Variants in CNGA1 observed in about 807,000 individuals in gnomAD.
The protein encoded by CNGA1 is cyclic nucleotide gated channel subunit alpha 1, also known as cyclic nucleotide-gated channel alpha-1.
Under a neutral mutation model 69.7 loss-of-function variants are expected in CNGA1, and 53 were observed. That is an observed-to-expected ratio of 0.76 (90% CI 0.61 to 0.96). The LOEUF (loss-of-function observed/expected upper bound fraction) is 0.96. CNGA1 is among the 40% of genes least tolerant of loss of function. The pLI, the probability that CNGA1 is intolerant of heterozygous loss-of-function variation, is 0.00. For synonymous variants in CNGA1, 249 were observed against 283.5 expected, an observed-to-expected ratio of 0.88 and a Z score of 1.22; for missense variants, 739 against 811.2, an observed-to-expected ratio of 0.91 and a Z score of 1.08.
intron 8 of CNGA1, 41 bp from the exon 9 acceptor site, chr4:47,942,189 CAAGAACATT>C: frequency 8.2e-7 from 1 of 1,225,772 alleles, no homozygotes; most frequent in Non-Finnish European, 1.2e-6. Flanking sequence ...TACCAAGATA[CAAGAACATT>C]TTTATTTACC....
chr4:47,943,105 G>T, intron 8 of CNGA1, 76 bp downstream of exon 8: 1 of 1,027,342 alleles, frequency 9.7e-7, no homozygotes, highest in Non-Finnish European at 1.5e-6. Context: ...TTTCTACTTT[G>T]TATTATGGAA....
chr4:47,996,141 A>G (rs184583366), intron 2 of CNGA1, among the ~76,000 whole-genome samples: 2 of 152,210 alleles, frequency 1.3e-5, no homozygotes, highest in Admixed American at 1.3e-4. Context: ...TGGTGCAAAA[A>G]TTCATGACAC....
At chr4:47,982,422 A>G (rs1741759845) in intron 2 of CNGA1, among the ~76,000 whole-genome samples, 1 of 152,210 alleles carries the variant, frequency 6.6e-6, no homozygotes, top group Non-Finnish European at 1.5e-5. Context: ...TGCCTAGCAG[A>G]GAAAATTAGA....
chr4:47,956,028 C>T (rs1484520755), intron 3 of CNGA1, among the ~76,000 whole-genome samples: 1 of 152,244 alleles, frequency 6.6e-6, no homozygotes, highest in Non-Finnish European at 1.5e-5. Context: ...CCATTCTTCT[C>T]TCCTTCTAGT....
At chr4:47,990,671 C>T (rs1742220521) in intron 2 of CNGA1, among the ~76,000 whole-genome samples, 1 of 152,088 alleles carries the variant, frequency 6.6e-6, no homozygotes, top group South Asian at 2.1e-4. Context: ...GATTTTGCGG[C>T]TCGGCGTCAC....
chr4:47,976,583 A>G (rs1741431331), intron 3 of CNGA1, among the ~76,000 whole-genome samples: 1 of 151,960 alleles, frequency 6.6e-6, no homozygotes, highest in Non-Finnish European at 1.5e-5. Context: ...TTTGTCAGTC[A>G]CTGTGAGCAT....
At chr4:47,939,204 G>T (rs184789833) in intron 10 of CNGA1, among the ~76,000 whole-genome samples, 5 of 152,166 alleles carry the variant, frequency 3.3e-5, no homozygotes, top group African/African-American at 1.2e-4. Flanking sequence ...TCCAGGAAAG[G>T]GAGAAGCACT....
chr4:47,956,081 C>T (rs1012760764), intron 3 of CNGA1, among the ~76,000 whole-genome samples: 1 of 152,230 alleles, frequency 6.6e-6, no homozygotes. Context: ...TAAAAATCTA[C>T]ATTACTGAGT....
At chr4:48,000,817 T>G (rs959870924) in intron 2 of CNGA1, among the ~76,000 whole-genome samples, 2 of 152,192 alleles carry the variant, frequency 1.3e-5, no homozygotes, top group African/African-American at 4.8e-5. Context: ...AGTAGTATTT[T>G]TAATGTGCTG....
At chr4:48,010,427 C>T (rs1715102712) in intron 2 of CNGA1, among the ~76,000 whole-genome samples, 1 of 152,180 alleles carries the variant, frequency 6.6e-6, no homozygotes, top group East Asian at 1.9e-4. Flanking sequence ...CTATACTCTT[C>T]CTTAAAAACC....
chr4:48,003,837 G>C (rs1358791499), intron 2 of CNGA1, among the ~76,000 whole-genome samples: 1 of 152,178 alleles, frequency 6.6e-6, no homozygotes, highest in Non-Finnish European at 1.5e-5. Context: ...CCGTGGTCTA[G>C]TGGTAGCATT....
chr4:48,007,927 T>C (rs1486601696), intron 2 of CNGA1, among the ~76,000 whole-genome samples: 1 of 152,138 alleles, frequency 6.6e-6, no homozygotes, highest in South Asian at 2.1e-4. Flanking sequence ...GAAACCATTA[T>C]TATTTCACTC....
At chr4:47,979,462 A>G (rs1741587000) in intron 3 of CNGA1, among the ~76,000 whole-genome samples, 1 of 152,234 alleles carries the variant, frequency 6.6e-6, no homozygotes, top group African/African-American at 2.4e-5. Context: ...TATAAAATAT[A>G]GTAGCCCAGA....
At chr4:48,005,984 C>G (rs1046368548) in intron 2 of CNGA1, among the ~76,000 whole-genome samples, 1 of 152,198 alleles carries the variant, frequency 6.6e-6, no homozygotes, top group African/African-American at 2.4e-5. Flanking sequence ...TAGGAGTATA[C>G]TTACTCAATT....
intron 3 of CNGA1, among the ~76,000 whole-genome samples, chr4:47,976,611 C>CT (rs1194470317): frequency 6.6e-6 from 1 of 151,844 alleles, no homozygotes; most frequent in Non-Finnish European, 1.5e-5. Context: ...TTTGTATAAC[C>CT]TTTTTTTCCT....
intron 3 of CNGA1, among the ~76,000 whole-genome samples, chr4:47,962,125 C>A (rs1239515083): frequency 6.6e-6 from 1 of 152,044 alleles, no homozygotes; most frequent in Non-Finnish European, 1.5e-5. Flanking sequence ...GCGGGTGGAT[C>A]ACGAGGTCAG....
Position 47,936,839 on chromosome 4 carries a change from A to C in CNGA1, c.1643T>G (p.Ile548Ser), listed in dbSNP as rs759904304. 10 of 1,614,102 alleles carry C rather than the reference A, an allele frequency of 6.2e-6. No homozygotes were observed. The highest frequency in any genetic ancestry group is 1.7e-5 in the Admixed American group (1 of 60,028). Residue 548 changes from isoleucine to serine, a missense_variant, in exon 11 of 11, where the codon ATT (isoleucine) becomes AGT (serine). Coordinates refer to ENST00000514170, the MANE Select transcript of CNGA1 (RefSeq NM_001379270.1). The stretch of plus-strand genomic sequence containing the variant: ...TCGATTGCCAGCTTTGCTCCCTTTA[A>C]TGTTAAGAATGCTGATCTCACCGAA... The part of the protein sequence containing the change: ...SYFGEISILN[I>S]KGSKAGNRRT...
rs143387383 is a variant in CNGA1, at chr4:48,005,714, G to A, written c.-123+5080C>T. ...CTGTACAGGGACTGTATAGACAAAA[G>A]TATGAGGCCAGTTTTCCCAAGGGGC... is the stretch of plus-strand genomic sequence containing the variant. On this transcript the variant is annotated intron_variant, in intron 2 of 10. Coordinates refer to ENST00000514170, the MANE Select transcript of CNGA1 (RefSeq NM_001379270.1). Among the ~76,000 whole-genome samples, 469 of 152,274 alleles carry A rather than the reference G, an allele frequency of 3.1e-3. 2 individuals are homozygous for A. Among genetic ancestry groups the A allele is most frequent in the Middle Eastern group, 0.027 (8 of 294 alleles).
intron 3 of CNGA1, among the ~76,000 whole-genome samples, chr4:47,961,744 A>G (rs1740451460): frequency 6.6e-6 from 1 of 152,086 alleles, no homozygotes; most frequent in Non-Finnish European, 1.5e-5. Context: ...AAAAATAAAA[A>G]TACTGTCCAA....
Sources: allele counts gnomAD v4.1 joint callset (sites outside exome capture counted in the v4.1 genomes callset), GRCh38; gene constraint gnomAD v4.1.1; transcripts MANE v1.5; gene names NCBI Gene and HGNC (gene_info 2026-07-23, HGNC 2026-07-21).